Variants in AGBL1 observed in about 807,000 individuals in gnomAD.
The protein encoded by AGBL1 is cytosolic carboxypeptidase 4.
A neutral mutation model predicts 118.9 loss-of-function variants in AGBL1; 130 were observed. The ratio of observed to expected loss-of-function variants is 1.09; its 90% CI spans 0.95 to 1.26. The LOEUF is 1.26. Among genes scored for constraint, AGBL1 ranks in the 50% most tolerant of loss-of-function variants. The pLI, the probability that AGBL1 is intolerant of heterozygous loss-of-function variation, is 0.00. For missense variants in AGBL1, 1,584 were observed against 1,298.1 expected (o/e 1.22, Z -3.38); for synonymous variants, 555 against 478.9 (o/e 1.16, Z -2.08).
chr15:86,412,927 T>C (rs2081642423), intron 18 of AGBL1, among the ~76,000 whole-genome samples: 1 of 152,174 alleles, frequency 6.6e-6, no homozygotes, highest in African/African-American at 2.4e-5. Context: ...ATATTAATAA[T>C]ATCTTGACTT....
At chr15:86,131,529 C>T (rs965964127) in intron 1 of AGBL1, among the ~76,000 whole-genome samples, 25 of 152,098 alleles carry the variant, frequency 1.6e-4, no homozygotes, top group African/African-American at 5.8e-4. Context: ...TATTCAACTT[C>T]TCTTGGCCTC....
intron 22 of AGBL1, among the ~76,000 whole-genome samples, chr15:86,705,231 C>A (rs1266284660): frequency 6.6e-6 from 1 of 152,062 alleles, no homozygotes; most frequent in Admixed American, 6.6e-5. Context: ...TGCAGCAAAC[C>A]ACCATGGCAC....
chr15:86,877,889 T>G (rs1475809010), intron 22 of AGBL1, among the ~76,000 whole-genome samples: 1 of 152,158 alleles, frequency 6.6e-6, no homozygotes, highest in African/African-American at 2.4e-5. Context: ...CTCCCTAAGG[T>G]CAAAGCTAAA....
chr15:86,210,531 C>T (rs1597558108), intron 5 of AGBL1, among the ~76,000 whole-genome samples: 1 of 152,268 alleles, frequency 6.6e-6, no homozygotes, highest in South Asian at 2.1e-4. Flanking sequence ...TCTTTTTTCT[C>T]TAAACTTCTC....
At chr15:86,857,800 T>C (rs911153218) in intron 22 of AGBL1, among the ~76,000 whole-genome samples, 1 of 152,216 alleles carries the variant, frequency 6.6e-6, no homozygotes, top group African/African-American at 2.4e-5. Context: ...AAGGTCTCAA[T>C]AAATATTCAC....
intron 22 of AGBL1, among the ~76,000 whole-genome samples, chr15:86,904,821 G>T (rs1048884662): frequency 6.6e-6 from 1 of 151,492 alleles, no homozygotes; most frequent in African/African-American, 2.4e-5. Flanking sequence ...TTCAAATATG[G>T]TTTTTTCTAT....
chr15:86,878,531 T>C (rs1280889686), intron 22 of AGBL1, among the ~76,000 whole-genome samples: 1 of 152,128 alleles, frequency 6.6e-6, no homozygotes, highest in Non-Finnish European at 1.5e-5. Context: ...ACTTCTATTT[T>C]CCTCCTTTCT....
chr15:86,547,954 C>T lies in AGBL1; in HGVS notation c.2817+1821C>T, dbSNP rs1006217658. ...CCCAAACAGCTTTGCTTTTTGGGGT[C>T]CCACATAGTATATAACTCCCTCTAT... On this transcript the variant is annotated intron_variant, in intron 20 of 22. Coordinates refer to ENST00000614907, the MANE Select transcript of AGBL1 (RefSeq NM_001386094.1). Among the ~76,000 whole-genome samples the T allele has an allele frequency of 3.9e-5, 6 of 152,178 alleles. No individual in the cohort carries two copies. The East Asian group carries it at 1.2e-3, about 29-fold the overall frequency.
intron 17 of AGBL1, among the ~76,000 whole-genome samples, chr15:86,346,470 C>T (rs1424198679): frequency 6.6e-6 from 1 of 152,040 alleles, no homozygotes; most frequent in Non-Finnish European, 1.5e-5. Context: ...CCTCAGCCTC[C>T]CGAGTAACTG....
intron 5 of AGBL1, among the ~76,000 whole-genome samples, chr15:86,212,578 A>C (rs987982880): frequency 6.6e-6 from 1 of 152,228 alleles, no homozygotes; most frequent in Non-Finnish European, 1.5e-5. Context: ...GAGTTCTCTG[A>C]GAGATTATAG....
chr15:86,330,050 C>G (rs1314836397), intron 17 of AGBL1, among the ~76,000 whole-genome samples: 1 of 152,210 alleles, frequency 6.6e-6, no homozygotes, highest in Non-Finnish European at 1.5e-5. Flanking sequence ...TGGATTCTCC[C>G]TCTGCACTGA....
intron 21 of AGBL1, among the ~76,000 whole-genome samples, chr15:86,643,733 AT>A (rs1314854580): frequency 6.6e-6 from 1 of 152,080 alleles, no homozygotes; most frequent in African/African-American, 2.4e-5. Context: ...AGTTGACTTT[AT>A]ATTTCTAAAT....
intron 5 of AGBL1, among the ~76,000 whole-genome samples, chr15:86,175,195 CATT>C (rs1337594538): frequency 4.6e-5 from 7 of 151,916 alleles, no homozygotes; most frequent in African/African-American, 1.4e-4. Flanking sequence ...ATCTTGTACT[CATT>C]ATTATTCTGT....
chr15:86,305,877 C>T (rs537173556), intron 17 of AGBL1, among the ~76,000 whole-genome samples: 7 of 152,194 alleles, frequency 4.6e-5, no homozygotes, highest in African/African-American at 1.4e-4. Context: ...TTGACAGCCT[C>T]GCCAGATTCT....
chr15:86,948,989 A>C (rs771670050), intron 23 of AGBL1, among the ~76,000 whole-genome samples: 8 of 152,212 alleles, frequency 5.3e-5, no homozygotes, highest in Non-Finnish European at 8.8e-5. Flanking sequence ...GGAACTGAAT[A>C]GTAGTGACAG....
At chr15:86,521,786 A>G (rs2083192131) in intron 18 of AGBL1, among the ~76,000 whole-genome samples, 1 of 152,168 alleles carries the variant, frequency 6.6e-6, no homozygotes. Flanking sequence ...TGGAGGCCAT[A>G]AGTCAAGTGG....
At chr15:86,813,172 G>A (rs2078814110) in intron 22 of AGBL1, among the ~76,000 whole-genome samples, 1 of 147,464 alleles carries the variant, frequency 6.8e-6, no homozygotes, top group African/African-American at 2.5e-5. Flanking sequence ...TCAGGCTGAT[G>A]GGAGTAATGA....
chr15:86,534,239 G>A (rs1320474191), intron 19 of AGBL1, among the ~76,000 whole-genome samples: 1 of 151,196 alleles, frequency 6.6e-6, no homozygotes, highest in African/African-American at 2.5e-5. Context: ...TGTAACAAAG[G>A]CCCATGTGAG....
chr15:86,385,286 T>C (rs74027533), intron 17 of AGBL1, among the ~76,000 whole-genome samples: 4,678 of 152,270 alleles, frequency 0.031, 232 homozygotes, highest in African/African-American at 0.11. Flanking sequence ...TTTAAAAATG[T>C]GGCTACTAGA....
Sources: gnomAD v4.1 joint callset for allele counts (sites outside exome capture counted in the v4.1 genomes callset) on GRCh38, gnomAD v4.1.1 for gene constraint, MANE v1.5 for transcripts, NCBI Gene and HGNC (gene_info 2026-07-23, HGNC 2026-07-21) for gene names.